The following MARCHF5 variants were observed in gnomAD, a reference collection of about 807,000 sequenced individuals.
MARCHF5 encodes the protein E3 ubiquitin-protein ligase MARCHF5.
In MARCHF5, 5 loss-of-function variants were observed where a neutral mutation model predicts 36.5. That is an observed-to-expected ratio of 0.14 (90% confidence interval 0.07 to 0.29). MARCHF5 has a LOEUF of 0.29. Among genes scored for constraint, MARCHF5 ranks in the 10% least tolerant of loss-of-function variants. MARCHF5 has a pLI of 1.00. For synonymous variants in MARCHF5, 103 were observed against 109.9 expected (o/e 0.94, Z 0.39); for missense variants, 179 against 336.3 (o/e 0.53, Z 3.66).
chr10:92,324,296 A>G (rs1316514740), intron 2 of MARCHF5, among the ~76,000 whole-genome samples: 1 of 152,086 alleles, frequency 6.6e-6, no homozygotes. Context: ...TCTTGGGCAG[A>G]TCTTTTCTCC....
chr10:92,316,700 T>G (rs1003627577), intron 2 of MARCHF5, among the ~76,000 whole-genome samples: 3 of 151,720 alleles, frequency 2.0e-5, no homozygotes, highest in African/African-American at 7.3e-5. Context: ...GTAGATGGGG[T>G]TACAGGCACG....
At chr10:92,300,345 T>G (rs1347966627) in intron 1 of MARCHF5, among the ~76,000 whole-genome samples, 1 of 149,794 alleles carries the variant, frequency 6.7e-6, no homozygotes, top group African/African-American at 2.5e-5. Flanking sequence ...AAAGAAAAAA[T>G]AGCTGGGTGT....
chr10:92,322,476 G>A (rs1449284822), intron 2 of MARCHF5, among the ~76,000 whole-genome samples: 3 of 128,332 alleles, frequency 2.3e-5, no homozygotes, highest in Admixed American at 1.8e-4. Context: ...GCCTCACTCT[G>A]TCAAACATGC....
intron 1 of MARCHF5, among the ~76,000 whole-genome samples, chr10:92,296,128 G>T (rs893074693): frequency 3.3e-5 from 5 of 151,736 alleles, no homozygotes; most frequent in African/African-American, 1.2e-4. Context: ...ACCTACCTCT[G>T]CTTCCCAAAG....
Position 92,291,422 on chromosome 10 carries a change from C to A in MARCHF5, c.-73C>A. 1 of 1,330,204 alleles carries A rather than the reference C, an allele frequency of 7.5e-7. No homozygotes were observed. The highest frequency in any genetic ancestry group is 1.1e-6 in the Non-Finnish European group (1 of 949,264). 82.4% of individuals were successfully genotyped at this position (1,330,204 alleles called of 1,614,324 possible). A position where few individuals can be genotyped will look rare whatever the true frequency, so the allele number is the denominator to read the frequency against. ...GACTGCGGCCTACTCCGCCGCCTCTCAGTGCTATTGTCCCTGGGCCTGGCC... is the reference window on the plus strand; with the variant it reads ...GACTGCGGCCTACTCCGCCGCCTCTAAGTGCTATTGTCCCTGGGCCTGGCC... On this transcript the variant is annotated 5_prime_UTR_variant, in exon 1 of 6. The change creates a premature stop within an existing upstream ORF in the 5' untranslated region. Coordinates refer to ENST00000358935, the MANE Select transcript of MARCHF5 (RefSeq NM_017824.5).
chr10:92,328,357 CT>C lies in MARCHF5; in HGVS notation c.239-12310del, dbSNP rs1320098371. 1.2e-3 allele frequency among the ~76,000 whole-genome samples: 184 copies of C among 147,470 alleles called. 1 individual carries two copies. The highest frequency in any genetic ancestry group is 3.0e-3 in the South Asian group (14 of 4,686). On this transcript the variant is annotated intron_variant, in intron 2 of 5. Coordinates refer to ENST00000358935, the MANE Select transcript of MARCHF5 (RefSeq NM_017824.5). ...AGTTACTTTTTTTTTTTTTTTTGCC[CT>C]TTTTTGCCAGCTTTTTCAATGGTGG...
At chr10:92,347,521 GATGATAGATAT>G (rs200771931) in intron 3 of MARCHF5, among the ~76,000 whole-genome samples, 16,520 of 61,250 alleles carry the variant, frequency 0.27, 1,201 homozygotes, top group Admixed American at 0.32. Context: ...TAGATAGATA[GATGATAGATAT>G]ATAGATAGAT....
intron 3 of MARCHF5, 56 bp from the exon 4 acceptor site, chr10:92,349,293 A>T: frequency 7.7e-7 from 1 of 1,302,566 alleles, no homozygotes; most frequent in Non-Finnish European, 1.0e-6. Context: ...AGAGCTTAAC[A>T]TGCAACACCT....
At chr10:92,303,328 T>G (rs982668015) in intron 1 of MARCHF5, among the ~76,000 whole-genome samples, 3 of 152,220 alleles carry the variant, frequency 2.0e-5, no homozygotes, top group Non-Finnish European at 4.4e-5. Flanking sequence ...TATGAATATA[T>G]GTTCATTTCC....
intron 2 of MARCHF5, among the ~76,000 whole-genome samples, chr10:92,318,609 G>C (rs2135193139): frequency 6.6e-6 from 1 of 150,928 alleles, no homozygotes; most frequent in Non-Finnish European, 1.5e-5. Context: ...TGGGGTCGCA[G>C]CTACAAACAA....
chr10:92,347,688 T>G (rs1223599638), intron 3 of MARCHF5, among the ~76,000 whole-genome samples: 1 of 152,162 alleles, frequency 6.6e-6, no homozygotes, highest in African/African-American at 2.4e-5. Flanking sequence ...CTCAAAAGGA[T>G]CACCTTCCAC....
intron 1 of MARCHF5, among the ~76,000 whole-genome samples, chr10:92,292,868 C>A (rs1367788628): frequency 1.3e-5 from 2 of 152,108 alleles, no homozygotes; most frequent in African/African-American, 4.8e-5. Context: ...TGAACTAATG[C>A]ACAAACTTAT....
chr10:92,325,025 T>G (rs1370274625), intron 2 of MARCHF5, among the ~76,000 whole-genome samples: 1 of 152,184 alleles, frequency 6.6e-6, no homozygotes, highest in Non-Finnish European at 1.5e-5. Flanking sequence ...CCTTGTTATC[T>G]TTTACCTGTT....
chr10:92,314,470 T>C (rs1352044205), intron 2 of MARCHF5, among the ~76,000 whole-genome samples: 1 of 151,930 alleles, frequency 6.6e-6, no homozygotes, highest in Non-Finnish European at 1.5e-5. Flanking sequence ...GGTGAAACCT[T>C]GTGTCTACTA....
At chr10:92,304,698 G>A (rs1843052406) in intron 1 of MARCHF5, among the ~76,000 whole-genome samples, 1 of 152,148 alleles carries the variant, frequency 6.6e-6, no homozygotes, top group South Asian at 2.1e-4. Context: ...TATTACTGTG[G>A]TTTGCTTGCA....
chr10:92,318,104 T>C (rs1205458863), intron 2 of MARCHF5, among the ~76,000 whole-genome samples: 1 of 152,066 alleles, frequency 6.6e-6, no homozygotes, highest in East Asian at 1.9e-4. Context: ...TTATAACCTT[T>C]AGTGCAGTAT....
intron 2 of MARCHF5, among the ~76,000 whole-genome samples, chr10:92,337,845 G>T (rs1478042109): frequency 6.6e-6 from 1 of 151,730 alleles, no homozygotes; most frequent in Admixed American, 6.6e-5. Context: ...GGAGAGCGTC[G>T]ATAAATGTTC....
intron 2 of MARCHF5, among the ~76,000 whole-genome samples, chr10:92,340,235 T>G (rs1358118383): frequency 3.9e-5 from 6 of 152,196 alleles, no homozygotes; most frequent in Non-Finnish European, 7.3e-5. Flanking sequence ...GTAACTATAT[T>G]TGAGACTCTA....
intron 1 of MARCHF5, chr10:92,308,484 G>C (rs1843103993): frequency 6.6e-6 from 1 of 152,086 alleles, no homozygotes; most frequent in Admixed American, 6.6e-5. Flanking sequence ...AACCATCTGG[G>C]AATGCAGCCC....
Sources: gnomAD v4.1 joint callset for allele counts (sites outside exome capture counted in the v4.1 genomes callset) on GRCh38, gnomAD v4.1.1 for gene constraint, MANE v1.5 for transcripts, NCBI Gene and HGNC (gene_info 2026-07-23, HGNC 2026-07-21) for gene names.